The following U2SURP variants were observed in gnomAD, a reference collection of about 807,000 sequenced individuals.
U2SURP encodes the protein U2 snRNP associated SURP domain containing, also known as U2 snRNP-associated SURP motif-containing protein.
U2SURP carries 9 observed loss-of-function variants against 144.9 expected under a neutral mutation model. That is an observed-to-expected ratio of 0.06 (90% CI 0.04 to 0.11). The LOEUF (loss-of-function observed/expected upper bound fraction) is 0.11, where lower values mean the gene tolerates loss of function less well. Ranked by LOEUF, U2SURP falls within the 10% of genes least tolerant of loss-of-function variation. The probability of loss-of-function intolerance (pLI) is 1.00; values close to 1 mark genes in which losing one functional copy is unlikely to be tolerated. For missense variants in U2SURP, 724 were observed against 1,226.7 expected (o/e 0.59, Z 6.12); for synonymous variants, 408 against 396.8 (o/e 1.03, Z -0.33).
intron 13 of U2SURP, chr3:143,026,156 A>C (rs955086392): frequency 2.0e-5 from 3 of 152,102 alleles, no homozygotes; most frequent in African/African-American, 7.2e-5. Context: ...TTTTTGCCCG[A>C]CACCATAATC....
At chr3:143,055,569 T>G (rs1218987428) in intron 27 of U2SURP, among the ~76,000 whole-genome samples, 2 of 152,208 alleles carry the variant, frequency 1.3e-5, no homozygotes, top group African/African-American at 4.8e-5. Flanking sequence ...TGTATACTTT[T>G]TTTTCCTTTA....
At chr3:143,035,829 A>G (rs1332903224) in intron 19 of U2SURP, among the ~76,000 whole-genome samples, 153 bp from the exon 20 acceptor site, 1 of 152,134 alleles carries the variant, frequency 6.6e-6, no homozygotes. Context: ...TTTTTAAAAA[A>G]TATGGTAATG....
intron 24 of U2SURP, among the ~76,000 whole-genome samples, chr3:143,047,103 A>T (rs1490694382): frequency 2.2e-5 from 2 of 91,704 alleles, no homozygotes; most frequent in Non-Finnish European, 4.2e-5. Context: ...GGGGCTCCTC[A>T]CTTCCCAGTA....
chr3:143,028,714 C>A, intron 16 of U2SURP, 68 bp downstream of exon 16: 1 of 1,358,186 alleles, frequency 7.4e-7, no homozygotes, highest in Non-Finnish European at 1.0e-6. Flanking sequence ...AATTAATGGT[C>A]TTATTAAGAT....
At chr3:143,013,006 A>G (rs879313975) in intron 3 of U2SURP, among the ~76,000 whole-genome samples, 6 of 152,060 alleles carry the variant, frequency 3.9e-5, no homozygotes, top group Admixed American at 2.0e-4. Context: ...GCCTAGATTT[A>G]TTTTTATAAG....
chr3:143,016,473 G>A (rs1342318870), intron 5 of U2SURP, 102 bp downstream of exon 5: 3 of 1,069,300 alleles, frequency 2.8e-6, no homozygotes, highest in Non-Finnish European at 4.1e-6. Flanking sequence ...ATTATGAAAG[G>A]AAGTTTGGTT....
At chr3:143,024,626 G>A (rs934442409) in intron 13 of U2SURP, 2 of 341,504 alleles carry the variant, frequency 5.9e-6, no homozygotes, top group African/African-American at 4.4e-5. Context: ...AATTCATGCT[G>A]TAGGTATGCT....
chr3:143,035,178 T>A (rs1223251715), intron 19 of U2SURP, among the ~76,000 whole-genome samples: 5 of 152,232 alleles, frequency 3.3e-5, no homozygotes, highest in African/African-American at 9.6e-5. Flanking sequence ...AGGTTTAATT[T>A]TAGTTTTAAA....
Position 143,056,625 on chromosome 3 carries a change from T to C in U2SURP, c.*175T>C, listed in dbSNP as rs951275761. On this transcript the variant is annotated 3_prime_UTR_variant, in exon 28 of 28. Transcript: ENST00000473835. Reference sequence around the variant, plus strand: ...CTGCATCTGTAGATCTGTCATTGTTTTATATTGTGTAAATTACTTTCATTG... The same window carrying C: ...CTGCATCTGTAGATCTGTCATTGTTCTATATTGTGTAAATTACTTTCATTG... The C allele has an allele frequency of 1.5e-6, 1 of 652,598 alleles. No individual in the cohort carries two copies. Among genetic ancestry groups the C allele is most frequent in the Non-Finnish European group, 2.5e-6 (1 of 400,416 alleles). The allele number at this position is 652,598 out of a possible 1,614,324, so 40.4% of individuals were successfully genotyped here.
intron 23 of U2SURP, among the ~76,000 whole-genome samples, chr3:143,039,367 A>G (rs1362795302): frequency 2.0e-5 from 3 of 151,918 alleles, no homozygotes; most frequent in Non-Finnish European, 2.9e-5. Flanking sequence ...TGTTATTTAA[A>G]TATAAACCTT....
intron 20 of U2SURP, among the ~76,000 whole-genome samples, chr3:143,036,438 A>T (rs1933812739): frequency 6.6e-6 from 1 of 152,244 alleles, no homozygotes; most frequent in Non-Finnish European, 1.5e-5. Context: ...CTATATAAGT[A>T]AAATATGTGC....
chr3:143,032,763 G>A (rs749085655), intron 16 of U2SURP, 21 bp from the exon 17 acceptor site: 1 of 1,595,594 alleles, frequency 6.3e-7, no homozygotes, highest in East Asian at 2.2e-5. Context: ...ATATTTATAA[G>A]TTAAAACAAT....
chr3:143,045,389 A>G (rs894271359), intron 24 of U2SURP, among the ~76,000 whole-genome samples: 3 of 133,440 alleles, frequency 2.2e-5, no homozygotes, highest in African/African-American at 5.5e-5. Flanking sequence ...AAAAAAAAAA[A>G]GAGCACTCCC....
chr3:143,018,617 T>C (rs1285095122), intron 6 of U2SURP, among the ~76,000 whole-genome samples: 2 of 152,032 alleles, frequency 1.3e-5, no homozygotes, highest in East Asian at 3.9e-4. Context: ...TAACTATGTT[T>C]AGCCTTTTGA....
Position 143,027,044 on chromosome 3 carries a change from CA to C in U2SURP, c.1275-104del. 3.5e-6 allele frequency: 3 copies of C among 866,600 alleles called. No individual in the cohort carries two copies. In the South Asian group the frequency reaches 4.9e-5, roughly 14 times the overall value. The allele number at this position is 866,600 out of a possible 1,614,324, so 53.7% of individuals were successfully genotyped here. A position where few individuals can be genotyped will look rare whatever the true frequency, so the allele number is the denominator to read the frequency against. On this transcript the variant is annotated intron_variant, in intron 13 of 27. Coordinates refer to ENST00000473835, the MANE Select transcript of U2SURP (RefSeq NM_001080415.2). ...TTTTGGTATTAAATTCGGTGTTAGT[CA>C]GCAGAATAATCATTTTCTGCACAAT...
At chr3:143,013,478 G>T (rs1236108685) in intron 3 of U2SURP, among the ~76,000 whole-genome samples, 28 of 151,972 alleles carry the variant, frequency 1.8e-4, no homozygotes, top group Admixed American at 1.7e-3. Flanking sequence ...AATGACTAGG[G>T]AATTTAAAGT....
At chr3:143,035,910 C>G in intron 19 of U2SURP, 72 bp from the exon 20 acceptor site, 1 of 1,450,014 alleles carries the variant, frequency 6.9e-7, no homozygotes, top group Non-Finnish European at 9.1e-7. Flanking sequence ...TCTTGATGAT[C>G]ATTCTCATGA....
Position 143,056,634 on chromosome 3 carries a change from G to A in U2SURP, c.*184G>A, listed in dbSNP as rs1383673625. On this transcript the variant is annotated 3_prime_UTR_variant, in exon 28 of 28. Transcript: ENST00000473835. ...TAGATCTGTCATTGTTTTATATTGT[G>A]TAAATTACTTTCATTGTGGCTATTT... is the stretch of plus-strand genomic sequence containing the variant. 21 of 602,132 alleles carry A rather than the reference G, an allele frequency of 3.5e-5. No individual in the cohort carries two copies. Among genetic ancestry groups the A allele is most frequent in the Non-Finnish European group, 5.5e-5 (20 of 365,540 alleles). 37.3% of individuals were successfully genotyped at this position (602,132 alleles called of 1,614,324 possible).
In U2SURP at chr3:143,043,135, AGAT is replaced by A. The variant is rs755563406; in HGVS notation, c.2406_2408del (p.Asp802del). ...TCTAAAGTCAAGAAGAAGAAAGTGAAGATGAAGAAGATACTCAAAGTTCCAAAT... is the reference window on the plus strand; with the variant it reads ...TCTAAAGTCAAGAAGAAGAAAGTGAAGAAGAAGATACTCAAAGTTCCAAAT... On this transcript the variant is annotated inframe_deletion, in exon 24 of 28. Coordinates refer to ENST00000473835, the MANE Select transcript of U2SURP (RefSeq NM_001080415.2). 6 of 1,603,656 alleles carry A rather than the reference AGAT, an allele frequency of 3.7e-6. No homozygotes were observed. The Admixed American group carries it at 1.0e-4, about 27-fold the overall frequency.
Sources: allele counts gnomAD v4.1 joint callset (sites outside exome capture counted in the v4.1 genomes callset), GRCh38; gene constraint gnomAD v4.1.1; transcripts MANE v1.5; gene names NCBI Gene and HGNC (gene_info 2026-07-23, HGNC 2026-07-21).